SI: variants seen among roughly 807,000 people sequenced by gnomAD.
SI encodes the protein sucrase-isomaltase, intestinal.
A neutral mutation model predicts 253.3 loss-of-function variants in SI; 235 were observed. The ratio of observed to expected loss-of-function variants is 0.93; its 90% CI spans 0.83 to 1.03. The LOEUF (loss-of-function observed/expected upper bound fraction) is 1.03. SI is among the 50% of genes least tolerant of loss of function. SI has a pLI of 0.00. For synonymous variants in SI, 819 were observed against 712.0 expected (o/e 1.15, Z -2.39); for missense variants, 2,442 against 2,211.1 (o/e 1.10, Z -2.09).
At chr3:165,043,297 T>G in intron 16 of SI, 122 bp from the exon 17 acceptor site, 2 of 676,016 alleles carry the variant, frequency 3.0e-6, no homozygotes, top group South Asian at 1.8e-5. Flanking sequence ...TCCTTTTATA[T>G]ATGCTTCCTT....
chr3:165,074,643 G>A lies in SI; in HGVS notation c.143C>T (p.Pro48Leu). The A allele has an allele frequency of 4.3e-6, 7 of 1,609,900 alleles. No individual in the cohort carries two copies. Among genetic ancestry groups the A allele is most frequent in the Non-Finnish European group, 5.9e-6 (7 of 1,177,084 alleles). Residue 48 changes from proline (P) to leucine (L), a missense_variant, in exon 3 of 48, where the codon CCA becomes CTA. Physicochemically the swap from Pro to Leu is moderately conservative, Grantham distance 98 (BLOSUM62 -3). Transcript: ENST00000264382. ...VDEISDSTSTPATTRVTTNPS... is the reference protein window; with the variant it reads ...VDEISDSTSTLATTRVTTNPS... ...ATTTGTAGTCACACGAGTAGTAGCTGGAGTTGAAGTAGAATCACTAATTTC... is the reference window on the plus strand; with the variant it reads ...ATTTGTAGTCACACGAGTAGTAGCTAGAGTTGAAGTAGAATCACTAATTTC...
rs561778499 is a variant in SI at position 164,991,167 on chromosome 3, G to A, written c.5108+186C>T. The stretch of plus-strand genomic sequence containing the variant: ...AAAGAAAACCTGATGCTAAGATAAA[G>A]TTCCTGTTTCTTGCTATGCTATAAA... On this transcript the variant is annotated intron_variant, in intron 44 of 47. Transcript: ENST00000264382. Among the ~76,000 whole-genome samples, 3 of 152,198 alleles carry A rather than the reference G, an allele frequency of 2.0e-5. No homozygotes were observed. The South Asian group carries it at 6.2e-4, about 32-fold the overall frequency.
At chr3:165,030,188 T>A (rs1280952361) in intron 25 of SI, among the ~76,000 whole-genome samples, 1 of 150,858 alleles carries the variant, frequency 6.6e-6, no homozygotes, top group African/African-American at 2.4e-5. Context: ...AGGAATGTTT[T>A]ACAATGTCCT....
rs1576864388 is a variant in SI, at chr3:164,982,561, T to C, written c.5248-151A>G. On this transcript the variant is annotated intron_variant, in intron 46 of 47. Transcript: ENST00000264382. ...TATAAGGTATTTTACATAATAAACA[T>C]GAATAAAACTTCAAATTTTCTTCCT... is the stretch of plus-strand genomic sequence containing the variant. 4.6e-6 allele frequency: 3 copies of C among 654,670 alleles called. No individual in the cohort carries two copies. The East Asian group carries it at 8.3e-5, about 18-fold the overall frequency. 40.6% of individuals were successfully genotyped at this position (654,670 alleles called of 1,614,324 possible).
Position 165,019,644 on chromosome 3 carries a change from G to T in SI, c.3381C>A (p.Asn1127Lys), listed in dbSNP as rs780010006. The T allele has an allele frequency of 6.2e-7, 1 of 1,612,542 alleles. No homozygotes were observed. Among genetic ancestry groups the T allele is most frequent in the Non-Finnish European group, 8.5e-7 (1 of 1,179,062 alleles). The change falls in exon 28 of 48, where the codon AAC becomes AAA. Residue 1127 changes from asparagine (N) to lysine (K), a missense_variant. Coordinates refer to ENST00000264382, the MANE Select transcript of SI (RefSeq NM_001041.4). ...TTGTGAACATTCCCCAAGTATTCCA[G>T]TTCAGATCTCGCTTAAATGCTGTAT... Reference protein sequence around the residue: ...VEHTAFKRDLNWNTWGMFTRD... With the variant: ...VEHTAFKRDLKWNTWGMFTRD...
intron 44 of SI, among the ~76,000 whole-genome samples, chr3:164,988,434 A>G (rs193297735): frequency 4.6e-5 from 7 of 152,306 alleles, no homozygotes; most frequent in Admixed American, 4.6e-4. Context: ...AAAGAGTTTT[A>G]CAACTTTCTA....
intron 29 of SI, 41 bp downstream of exon 29, chr3:165,017,929 G>T (rs1172088588): frequency 3.8e-6 from 6 of 1,581,210 alleles, no homozygotes; most frequent in Middle Eastern, 1.7e-4. Context: ...TTATGAAAAA[G>T]TCACATAAAA....
intron 44 of SI, among the ~76,000 whole-genome samples, chr3:164,989,105 A>C (rs1048660985): frequency 5.4e-5 from 8 of 149,150 alleles, no homozygotes; most frequent in Non-Finnish European, 5.9e-5. Context: ...TAAATAAATA[A>C]ATACATAATT....
intron 13 of SI, among the ~76,000 whole-genome samples, chr3:165,054,458 C>T (rs904579364): frequency 1.3e-5 from 2 of 152,024 alleles, no homozygotes; most frequent in Non-Finnish European, 2.9e-5. Context: ...AGGCAACCTC[C>T]ACCTCCCGGG....
intron 40 of SI, among the ~76,000 whole-genome samples, chr3:164,995,184 G>T (rs1174589625): frequency 6.6e-6 from 1 of 151,698 alleles, no homozygotes; most frequent in Non-Finnish European, 1.5e-5. Flanking sequence ...TCATATCGAT[G>T]ATGATTCCAA....
chr3:164,981,858 G>C (rs1473875947), intron 47 of SI, among the ~76,000 whole-genome samples: 1 of 152,056 alleles, frequency 6.6e-6, no homozygotes, highest in Non-Finnish European at 1.5e-5. Flanking sequence ...GTATTAATGG[G>C]TGCTGACAGT....
At chr3:165,063,599 T>G in intron 7 of SI, 58 bp from the exon 8 acceptor site, 2 of 743,396 alleles carry the variant, frequency 2.7e-6, no homozygotes, top group Non-Finnish European at 2.4e-6. Context: ...ACAAAAAGAT[T>G]ATATATTTTA....
intron 37 of SI, among the ~76,000 whole-genome samples, chr3:165,001,509 A>G (rs1013012426): frequency 1.3e-5 from 2 of 151,536 alleles, no homozygotes; most frequent in Non-Finnish European, 3.0e-5. Flanking sequence ...GTTTTAGTGT[A>G]TAACAAATTA....
rs576071461 is a variant in SI, at chr3:165,070,382, TTGAG to T, written c.256-1191_256-1188del. Among the ~76,000 whole-genome samples, 543 of 145,742 alleles carry T rather than the reference TTGAG, an allele frequency of 3.7e-3. 8 individuals carry two copies. The highest frequency in any genetic ancestry group is 0.013 in the African/African-American group (500 of 39,200). Reference sequence around the variant, plus strand: ...TATATATATGTGTGTGTGTGTGTGTTTGAGTATGTATTTATATATTTATACCCAA... The same window carrying T: ...TATATATATGTGTGTGTGTGTGTGTTTATGTATTTATATATTTATACCCAA... On this transcript the variant is annotated intron_variant, in intron 3 of 47. Transcript: ENST00000264382.
intron 26 of SI, 61 bp from the exon 27 acceptor site, chr3:165,021,444 T>A: frequency 7.9e-7 from 1 of 1,268,388 alleles, no homozygotes; most frequent in Non-Finnish European, 1.1e-6. Flanking sequence ...GTACATATCA[T>A]GAACTAAGTT....
chr3:164,994,394 G>A lies in SI; in HGVS notation c.4704C>T (p.Pro1568=), dbSNP rs376053398. ...HNIANTRRQD[P]ASWNETFAEM... ...CAGCAAAAGTTTCATTCCAGGAAGCGGGATCTTGTCTCTGAAACAAAGCAA... is the reference window on the plus strand; with the variant it reads ...CAGCAAAAGTTTCATTCCAGGAAGCAGGATCTTGTCTCTGAAACAAAGCAA... Residue 1568 remains proline, a synonymous_variant, in exon 41 of 48, where the codon CCC becomes CCT. Coordinates refer to ENST00000264382, the MANE Select transcript of SI (RefSeq NM_001041.4). 3.4e-5 allele frequency: 55 copies of A among 1,610,578 alleles called. No individual in the cohort carries two copies. In the Admixed American group the frequency reaches 3.8e-4, roughly 11 times the overall value.
intron 35 of SI, among the ~76,000 whole-genome samples, chr3:165,008,983 T>G (rs932527879): frequency 6.6e-6 from 1 of 152,030 alleles, no homozygotes; most frequent in African/African-American, 2.4e-5. Context: ...CTGACACTTA[T>G]TCCTATATTA....
At position 165,030,871 on chromosome 3, in the gene SI, T is replaced by C; in HGVS notation, c.2737-4A>G. ...TGAGATCTGCAATTAGGAGAACCTT[T>C]GAAGACAAAAAAAAAAAAAGAAAAA... On this transcript the variant is annotated splice_polypyrimidine_tract_variant and splice_region_variant and intron_variant, in intron 24 of 47. Transcript: ENST00000264382. 7.5e-7 allele frequency: 1 copy of C among 1,335,432 alleles called. No individual in the cohort carries two copies. The highest frequency in any genetic ancestry group is 9.7e-7 in the Non-Finnish European group (1 of 1,033,328). 82.7% of individuals were successfully genotyped at this position (1,335,432 alleles called of 1,614,324 possible).
At chr3:165,073,278 C>T (rs1230723230) in intron 3 of SI, among the ~76,000 whole-genome samples, 1 of 150,112 alleles carries the variant, frequency 6.7e-6, no homozygotes, top group Admixed American at 6.7e-5. Flanking sequence ...GCTCTGTCAC[C>T]CAGGCTGGAA....
Sources: allele counts gnomAD v4.1 joint callset (sites outside exome capture counted in the v4.1 genomes callset), GRCh38; gene constraint gnomAD v4.1.1; transcripts MANE v1.5; gene names NCBI Gene and HGNC (gene_info 2026-07-23, HGNC 2026-07-21).